The following MIPOL1 variants were observed in gnomAD, a reference collection of about 807,000 sequenced individuals.
MIPOL1 encodes the protein mirror-image polydactyly gene 1 protein.
A neutral mutation model predicts 60.9 loss-of-function variants in MIPOL1; 57 were observed. The observed-to-expected ratio is 0.94, with a 90% CI of 0.76 to 1.17. MIPOL1 has a LOEUF of 1.17. Among genes scored for constraint, MIPOL1 ranks in the 50% most tolerant of loss-of-function variants. The pLI is 0.00. For missense variants in MIPOL1, 551 were observed against 511.6 expected (o/e 1.08, Z -0.74); for synonymous variants, 179 against 168.8 (o/e 1.06, Z -0.47).
intron 10 of MIPOL1, among the ~76,000 whole-genome samples, chr14:37,418,095 G>A (rs1222771494): frequency 6.6e-6 from 1 of 152,130 alleles, no homozygotes; most frequent in African/African-American, 2.4e-5. Context: ...AACATCAGAT[G>A]TCTCTGTTCT....
intron 11 of MIPOL1, among the ~76,000 whole-genome samples, chr14:37,480,619 T>C (rs1452235746): frequency 6.6e-6 from 1 of 151,924 alleles, no homozygotes; most frequent in Non-Finnish European, 1.5e-5. Context: ...TGTAAACAAT[T>C]AAAAGCCTCT....
At position 37,200,850 on chromosome 14, in the gene MIPOL1, ATGTGTGTGTGTGTGTG is replaced by A. The variant is rs56965903; in HGVS notation, c.-199+2780_-199+2795del. ...TAGATCCATAATACTATATCTATCT[ATGTGTGTGTGTGTGTG>A]TGTGTGTGTGTGTGTGTGTGTGTGT... On this transcript the variant is annotated intron_variant, in intron 1 of 12. Transcript: ENST00000684589. Among the ~76,000 whole-genome samples, 689 of 87,050 alleles carry A rather than the reference ATGTGTGTGTGTGTGTG, an allele frequency of 7.9e-3. 9 individuals are homozygous for A. The highest frequency in any genetic ancestry group is 0.025 in the East Asian group (69 of 2,788). 57.1% of individuals were successfully genotyped at this position (87,050 alleles called of 152,430 possible). A position where few individuals can be genotyped will look rare whatever the true frequency, so the allele number is the denominator to read the frequency against.
chr14:37,255,128 C>T (rs774218530), intron 3 of MIPOL1, among the ~76,000 whole-genome samples: 1 of 151,794 alleles, frequency 6.6e-6, no homozygotes, highest in Non-Finnish European at 1.5e-5. Flanking sequence ...TGCCAGAACA[C>T]CTCTTGTAAC....
At chr14:37,530,195 TA>T (rs2095471098) in intron 12 of MIPOL1, among the ~76,000 whole-genome samples, 1 of 152,122 alleles carries the variant, frequency 6.6e-6, no homozygotes, top group Non-Finnish European at 1.5e-5. Flanking sequence ...ATGTGAAGGG[TA>T]AAGAATTCAG....
intron 9 of MIPOL1, among the ~76,000 whole-genome samples, chr14:37,349,222 A>G (rs1172428712): frequency 6.6e-6 from 1 of 151,888 alleles, no homozygotes; most frequent in Non-Finnish European, 1.5e-5. Context: ...TCCTGACCTC[A>G]GGTGATCCAC....
intron 7 of MIPOL1, among the ~76,000 whole-genome samples, chr14:37,294,934 A>G (rs1417920960): frequency 6.6e-6 from 1 of 152,206 alleles, no homozygotes; most frequent in South Asian, 2.1e-4. Flanking sequence ...TCACTATTCA[A>G]ATTCAGGAAT....
intron 1 of MIPOL1, among the ~76,000 whole-genome samples, chr14:37,211,088 G>A (rs1487966006): frequency 6.6e-6 from 1 of 152,154 alleles, no homozygotes; most frequent in African/African-American, 2.4e-5. Context: ...CATAATCTTT[G>A]CAAAGGCAGT....
intron 12 of MIPOL1, 53 bp downstream of exon 12, chr14:37,500,191 C>A: frequency 8.2e-7 from 1 of 1,214,800 alleles, no homozygotes; most frequent in Non-Finnish European, 1.2e-6. Context: ...CAAAACAAAA[C>A]ACTTTCTTTT....
At chr14:37,243,167 A>AAT (rs1251047317) in intron 1 of MIPOL1, among the ~76,000 whole-genome samples, 1 of 152,142 alleles carries the variant, frequency 6.6e-6, no homozygotes, top group Non-Finnish European at 1.5e-5. Context: ...AAATAATTTA[A>AAT]ATATATGCCT....
chr14:37,216,262 A>G (rs1024193047), intron 1 of MIPOL1, among the ~76,000 whole-genome samples: 2 of 152,158 alleles, frequency 1.3e-5, no homozygotes, highest in Admixed American at 1.3e-4. Context: ...TGCACCCAAC[A>G]CTGGAGCACT....
intron 9 of MIPOL1, among the ~76,000 whole-genome samples, chr14:37,345,516 G>A (rs1361742770): frequency 6.6e-6 from 1 of 152,150 alleles, no homozygotes; most frequent in Admixed American, 6.5e-5. Context: ...TTAGATAGCA[G>A]GGAACTTTTT....
chr14:37,490,984 A>T (rs1594689035), intron 11 of MIPOL1, among the ~76,000 whole-genome samples: 1 of 152,308 alleles, frequency 6.6e-6, no homozygotes. Flanking sequence ...CCCTTCTATT[A>T]AATTTGACAG....
At chr14:37,541,514 C>T (rs1334996438) in intron 12 of MIPOL1, among the ~76,000 whole-genome samples, 1 of 152,188 alleles carries the variant, frequency 6.6e-6, no homozygotes, top group African/African-American at 2.4e-5. Context: ...ATGTCTTCTA[C>T]AAGACTGCAG....
chr14:37,377,592 A>T (rs1185626340), intron 10 of MIPOL1, among the ~76,000 whole-genome samples: 4 of 152,080 alleles, frequency 2.6e-5, no homozygotes, highest in Admixed American at 2.6e-4. Context: ...GTCTATTAAC[A>T]TCTATCAATT....
intron 11 of MIPOL1, among the ~76,000 whole-genome samples, chr14:37,458,911 A>G (rs2078270832): frequency 6.6e-6 from 1 of 151,952 alleles, no homozygotes; most frequent in Non-Finnish European, 1.5e-5. Context: ...TTGTTTCTGA[A>G]TGATCCTTGG....
chr14:37,232,199 A>G (rs985919697), intron 1 of MIPOL1, among the ~76,000 whole-genome samples: 1 of 152,198 alleles, frequency 6.6e-6, no homozygotes, highest in African/African-American at 2.4e-5. Flanking sequence ...TGTTATAAAG[A>G]CACACTGTGA....
At chr14:37,516,442 T>C (rs11623989) in intron 12 of MIPOL1, among the ~76,000 whole-genome samples, 115,640 of 152,066 alleles carry the variant, frequency 0.76, 44,190 homozygotes, top group East Asian at 0.85. Flanking sequence ...TTATATTTGT[T>C]AATGTCATTC....
intron 9 of MIPOL1, among the ~76,000 whole-genome samples, chr14:37,337,327 CATATATATATAT>C (rs545154376): frequency 6.1e-4 from 19 of 30,912 alleles, no homozygotes; most frequent in East Asian, 4.6e-3. Context: ...CATTTGTAAA[CATATATATATAT>C]ATATATATAT....
intron 7 of MIPOL1, among the ~76,000 whole-genome samples, chr14:37,303,257 T>G (rs1338210876): frequency 2.6e-5 from 4 of 151,896 alleles, no homozygotes; most frequent in Non-Finnish European, 5.9e-5. Context: ...GTCAGTCAAT[T>G]ACACATTGTC....
Sources: gnomAD v4.1 joint callset for allele counts (sites outside exome capture counted in the v4.1 genomes callset) on GRCh38, gnomAD v4.1.1 for gene constraint, MANE v1.5 for transcripts, NCBI Gene and HGNC (gene_info 2026-07-23, HGNC 2026-07-21) for gene names.